Variants in FRMD4B observed in about 807,000 individuals in gnomAD.
FRMD4B encodes FERM domain containing 4B.
Under a neutral mutation model 141.5 loss-of-function variants are expected in FRMD4B, and 74 were observed. That is an observed-to-expected ratio of 0.52 (90% CI 0.43 to 0.63). FRMD4B has a LOEUF of 0.63. Among genes scored for constraint, FRMD4B ranks in the 30% least tolerant of loss-of-function variants. The probability of loss-of-function intolerance (pLI) is 0.00; values close to 1 mark genes in which losing one functional copy is unlikely to be tolerated. For missense variants in FRMD4B, 1,366 were observed against 1,253.4 expected, an observed-to-expected ratio of 1.09 and a Z score of -1.36; for synonymous variants, 506 against 467.9, an observed-to-expected ratio of 1.08 and a Z score of -1.05.
At chr3:69,214,821 C>G (rs971309324) in intron 11 of FRMD4B, among the ~76,000 whole-genome samples, 2 of 151,980 alleles carry the variant, frequency 1.3e-5, no homozygotes, top group African/African-American at 4.8e-5. Context: ...GTGATCAGGC[C>G]ACTGCACTCC....
At chr3:69,183,930 C>T (rs1232239333) in intron 19 of FRMD4B, among the ~76,000 whole-genome samples, 2 of 152,004 alleles carry the variant, frequency 1.3e-5, no homozygotes, top group East Asian at 3.9e-4. Flanking sequence ...GAGTCTCGCT[C>T]TGTCATCCAG....
chr3:69,386,612 TC>T (rs1404937877), upstream of FRMD4B, among the ~76,000 whole-genome samples: 1 of 152,018 alleles, frequency 6.6e-6, no homozygotes, highest in Non-Finnish European at 1.5e-5. Flanking sequence ...TGGACCCTAC[TC>T]CTGGGGGAAT....
intron 1 of FRMD4B, among the ~76,000 whole-genome samples, chr3:69,478,754 T>C (rs1477134161): frequency 6.6e-6 from 1 of 152,178 alleles, no homozygotes; most frequent in African/African-American, 2.4e-5. Context: ...AATTCCTGGG[T>C]ATCCTTGTTA....
At position 69,260,414 on chromosome 3, in the gene FRMD4B, C is replaced by T. The variant is rs560022369; in HGVS notation, c.502-10315G>A. Among the ~76,000 whole-genome samples the T allele has an allele frequency of 2.6e-5, 4 of 152,368 alleles. No individual in the cohort carries two copies. The South Asian group carries it at 8.3e-4, about 32-fold the overall frequency. On this transcript the variant is annotated intron_variant, in intron 5 of 22. Coordinates refer to ENST00000398540, the MANE Select transcript of FRMD4B (RefSeq NM_015123.3). Reference sequence around the variant, plus strand: ...GCCCTGGGCAGTGAGGGGCTTAGCACCCAGCCAGCAGCTGCGGAGGGTGCA... The same window carrying T: ...GCCCTGGGCAGTGAGGGGCTTAGCATCCAGCCAGCAGCTGCGGAGGGTGCA...
At chr3:69,318,816 G>A (rs949850143) in intron 1 of FRMD4B, among the ~76,000 whole-genome samples, 2 of 152,198 alleles carry the variant, frequency 1.3e-5, no homozygotes, top group Non-Finnish European at 2.9e-5. Flanking sequence ...TTTGACAAAT[G>A]GTAAGACCTG....
intron 1 of FRMD4B, among the ~76,000 whole-genome samples, chr3:69,491,941 G>A (rs1030097499): frequency 4.6e-5 from 7 of 152,272 alleles, no homozygotes; most frequent in East Asian, 3.9e-4. Flanking sequence ...TCAAACAACC[G>A]GAGATCAGAG....
Position 69,329,672 on chromosome 3 carries a change from C to T in FRMD4B, c.163-16155G>A, listed in dbSNP as rs1042813821. Among the ~76,000 whole-genome samples the T allele has an allele frequency of 1.1e-4, 17 of 151,508 alleles. No homozygotes were observed. In the East Asian group the frequency reaches 1.7e-3, roughly 16 times the overall value. The stretch of plus-strand genomic sequence containing the variant: ...CCTCCCGAGTAGCTGGGATTACAGG[C>T]GCCCGCCACCAGGCCTGGCTAATTT... On this transcript the variant is annotated intron_variant, in intron 1 of 22. Coordinates refer to ENST00000398540, the MANE Select transcript of FRMD4B (RefSeq NM_015123.3).
Position 69,233,315 on chromosome 3 carries a change from C to T in FRMD4B, c.582-8625G>A, listed in dbSNP as rs2093323410. On this transcript the variant is annotated intron_variant, in intron 7 of 22. Transcript: ENST00000398540. Reference sequence around the variant, plus strand: ...TGGCCAACATGGTGAAACCTTGTCTCTATGAACAATACAGAAAAATTAGTT... The same window carrying T: ...TGGCCAACATGGTGAAACCTTGTCTTTATGAACAATACAGAAAAATTAGTT... Among the ~76,000 whole-genome samples, 4 of 151,834 alleles carry T rather than the reference C, an allele frequency of 2.6e-5. No individual in the cohort carries two copies. In the South Asian group the frequency reaches 8.3e-4, roughly 32 times the overall value.
At chr3:69,373,244 C>T (rs1451346226) in intron 1 of FRMD4B, among the ~76,000 whole-genome samples, 3 of 152,266 alleles carry the variant, frequency 2.0e-5, no homozygotes, top group African/African-American at 7.2e-5. Flanking sequence ...TTATCAAATC[C>T]AGCTATGTTT....
At chr3:69,525,650 T>C (rs1267810279) in intron 1 of FRMD4B, among the ~76,000 whole-genome samples, 1 of 151,560 alleles carries the variant, frequency 6.6e-6, no homozygotes, top group Admixed American at 6.6e-5. Context: ...GTCTCTAATC[T>C]TTTTTTTTCT....
chr3:69,487,640 C>A (rs1706236568), intron 1 of FRMD4B, among the ~76,000 whole-genome samples: 1 of 152,188 alleles, frequency 6.6e-6, no homozygotes, highest in Non-Finnish European at 1.5e-5. Flanking sequence ...AAAGATCACT[C>A]TTCTGTTTGG....
chr3:69,222,462 C>A, intron 8 of FRMD4B, among the ~76,000 whole-genome samples: 1 of 72,214 alleles, frequency 1.4e-5, no homozygotes, highest in Non-Finnish European at 2.7e-5. Context: ...AGTGAAAATC[C>A]ATCTCAAAAA....
At chr3:69,269,305 T>C (rs1327701508) in intron 5 of FRMD4B, among the ~76,000 whole-genome samples, 1 of 151,848 alleles carries the variant, frequency 6.6e-6, no homozygotes. Context: ...AAGAAACATT[T>C]ATTAAGTGCT....
intron 1 of FRMD4B, among the ~76,000 whole-genome samples, chr3:69,321,956 C>G (rs1575729348): frequency 6.6e-6 from 1 of 152,188 alleles, no homozygotes; most frequent in Admixed American, 6.5e-5. Flanking sequence ...AGTCCTCCTG[C>G]CTTGGCTTCC....
intron 1 of FRMD4B, among the ~76,000 whole-genome samples, chr3:69,438,103 T>C (rs2106853942): frequency 6.8e-6 from 1 of 147,434 alleles, no homozygotes; most frequent in Non-Finnish European, 1.5e-5. Flanking sequence ...AATATAATAG[T>C]ATATACATAT....
chr3:69,198,538 G>C, intron 12 of FRMD4B, 160 bp downstream of exon 12: 4 of 603,806 alleles, frequency 6.6e-6, no homozygotes, highest in Non-Finnish European at 1.2e-5. Context: ...TTCCTCAGAG[G>C]GTTAAAGATA....
chr3:69,338,070 A>G (rs531129411), intron 1 of FRMD4B, among the ~76,000 whole-genome samples: 2,714 of 152,360 alleles, frequency 0.018, 92 homozygotes, highest in African/African-American at 0.061. Flanking sequence ...ATGTCCAACA[A>G]TGATAGACTG....
intron 1 of FRMD4B, chr3:69,376,745 A>C (rs2106659329): frequency 6.6e-6 from 1 of 152,192 alleles, no homozygotes. Context: ...AATTTTTTTC[A>C]TGAGAGCTTA....
chr3:69,204,519 G>T (rs912151556), intron 11 of FRMD4B, among the ~76,000 whole-genome samples: 6 of 152,172 alleles, frequency 3.9e-5, no homozygotes, highest in Non-Finnish European at 8.8e-5. Context: ...CTATTATTAC[G>T]TGAAGCCAAA....
Sources: gnomAD v4.1 joint callset for allele counts (sites outside exome capture counted in the v4.1 genomes callset) on GRCh38, gnomAD v4.1.1 for gene constraint, MANE v1.5 for transcripts, NCBI Gene and HGNC (gene_info 2026-07-23, HGNC 2026-07-21) for gene names.